TNKS: variants seen among roughly 807,000 people sequenced by gnomAD.
TNKS encodes tankyrase.
TNKS carries 72 observed loss-of-function variants against 135.8 expected under a neutral mutation model. The observed-to-expected ratio is 0.53, with a 90% CI of 0.44 to 0.64. The LOEUF is 0.64. Among genes scored for constraint, TNKS ranks in the 30% least tolerant of loss-of-function variants. TNKS has a pLI of 0.00. For missense variants in TNKS, 1,769 were observed against 1,674.0 expected, an observed-to-expected ratio of 1.06 and a Z score of -0.99; for synonymous variants, 849 against 649.3, an observed-to-expected ratio of 1.31 and a Z score of -4.68.
intron 17 of TNKS, among the ~76,000 whole-genome samples, chr8:9,742,984 T>C (rs771042059): frequency 3.7e-4 from 57 of 152,270 alleles, no homozygotes; most frequent in Non-Finnish European, 6.3e-4. Flanking sequence ...CAAAAGTTCC[T>C]TTTTATTCAT....
chr8:9,595,341 C>T lies in TNKS; in HGVS notation c.898+14958C>T, dbSNP rs77232006. Reference sequence around the variant, plus strand: ...AAAACAAAGATGACAAAATTCCATACTTGTATCCTTAAAACAGAGAAGAGA... The same window carrying T: ...AAAACAAAGATGACAAAATTCCATATTTGTATCCTTAAAACAGAGAAGAGA... On this transcript the variant is annotated intron_variant, in intron 2 of 26. Coordinates refer to ENST00000310430, the MANE Select transcript of TNKS (RefSeq NM_003747.3). 3.2e-3 allele frequency among the ~76,000 whole-genome samples: 482 copies of T among 152,136 alleles called. 2 individuals are homozygous for T. The highest frequency in any genetic ancestry group is 0.011 in the African/African-American group (453 of 41,504).
At position 9,657,259 on chromosome 8, in the gene TNKS, C is replaced by T. The variant is rs1165248374; in HGVS notation, c.995-22692C>T. Among the ~76,000 whole-genome samples, 6 of 119,320 alleles carry T rather than the reference C, an allele frequency of 5.0e-5. No homozygotes were observed. The South Asian group carries it at 1.2e-3, about 23-fold the overall frequency. The allele number at this position is 119,320 out of a possible 152,430, so 78.3% of individuals were successfully genotyped here. On this transcript the variant is annotated intron_variant, in intron 3 of 26. Coordinates refer to ENST00000310430, the MANE Select transcript of TNKS (RefSeq NM_003747.3). Reference sequence around the variant, plus strand: ...CTGGCCGGGCGGGGGGCCGACCCCCCCACCTCCCTCCCGGACGGGGCGGCT... The same window carrying T: ...CTGGCCGGGCGGGGGGCCGACCCCCTCACCTCCCTCCCGGACGGGGCGGCT...
At chr8:9,655,838 CTCG>C (rs1333469764) in intron 3 of TNKS, among the ~76,000 whole-genome samples, 1 of 152,008 alleles carries the variant, frequency 6.6e-6, no homozygotes, top group East Asian at 1.9e-4. Flanking sequence ...CAAAGCGCCT[CTCG>C]TCCTCCAAAG....
At chr8:9,633,381 C>A (rs1407609533) in intron 3 of TNKS, among the ~76,000 whole-genome samples, 1 of 152,184 alleles carries the variant, frequency 6.6e-6, no homozygotes, top group African/African-American at 2.4e-5. Flanking sequence ...TATTTTACAT[C>A]TGTACAATAG....
At chr8:9,772,572 G>A (rs1035645124) in intron 26 of TNKS, 7 of 362,388 alleles carry the variant, frequency 1.9e-5, no homozygotes, top group African/African-American at 1.5e-4. Flanking sequence ...TTAACCTTCT[G>A]CCCCCAACTG....
At chr8:9,643,675 T>C (rs757354509) in intron 3 of TNKS, among the ~76,000 whole-genome samples, 73 of 152,048 alleles carry the variant, frequency 4.8e-4, no homozygotes, top group Admixed American at 5.2e-4. Flanking sequence ...GTTGGTGGGA[T>C]TGTAAAATGG....
At chr8:9,589,376 A>G (rs1798503823) in intron 2 of TNKS, among the ~76,000 whole-genome samples, 1 of 152,220 alleles carries the variant, frequency 6.6e-6, no homozygotes, top group Non-Finnish European at 1.5e-5. Flanking sequence ...GTTATAGTAA[A>G]TAACTGCATG....
chr8:9,724,988 AT>A (rs1805090812), intron 12 of TNKS, among the ~76,000 whole-genome samples: 1 of 150,912 alleles, frequency 6.6e-6, no homozygotes, highest in African/African-American at 2.4e-5. Context: ...TTGTCTCTTT[AT>A]TTTGTTGAAA....
At chr8:9,710,246 C>T (rs775753744) in intron 11 of TNKS, 26 bp downstream of exon 11, 7 of 1,609,342 alleles carry the variant, frequency 4.3e-6, no homozygotes, top group African/African-American at 1.3e-5. Flanking sequence ...GAGCAGAGTG[C>T]CAGACTCAGC....
At chr8:9,615,739 A>T in intron 3 of TNKS, 62 bp downstream of exon 3, 1 of 1,356,086 alleles carries the variant, frequency 7.4e-7, no homozygotes, top group Non-Finnish European at 1.0e-6. Context: ...GATTTTATAA[A>T]ATCTTGTTAT....
rs1357608364 is a variant in TNKS at position 9,721,735 on chromosome 8, G to A, written c.1921+1190G>A. On this transcript the variant is annotated intron_variant, in intron 12 of 26. Coordinates refer to ENST00000310430, the MANE Select transcript of TNKS (RefSeq NM_003747.3). ...TAGATAATATGACCTAACTGTATAG[G>A]TACCTTTCCAAAAATCTATATAAAA... Among the ~76,000 whole-genome samples, 10 of 152,060 alleles carry A rather than the reference G, an allele frequency of 6.6e-5. 1 individual carries two copies. Among genetic ancestry groups the A allele is most frequent in the Non-Finnish European group, 1.2e-4 (8 of 67,984 alleles).
intron 4 of TNKS, 58 bp downstream of exon 4, chr8:9,680,045 G>T: frequency 7.9e-7 from 1 of 1,260,098 alleles, no homozygotes; most frequent in Non-Finnish European, 1.2e-6. Context: ...GAAGGAGGAG[G>T]GCAGGTGGAG....
chr8:9,581,161 T>A (rs1362795976), intron 2 of TNKS, among the ~76,000 whole-genome samples: 4 of 152,224 alleles, frequency 2.6e-5, no homozygotes, highest in Non-Finnish European at 5.9e-5. Flanking sequence ...TTTTTAATGA[T>A]GCAACTAAAA....
At chr8:9,661,778 AC>A (rs1801727453) in intron 3 of TNKS, among the ~76,000 whole-genome samples, 1 of 152,228 alleles carries the variant, frequency 6.6e-6, no homozygotes, top group Admixed American at 6.5e-5. Context: ...AAAAGAAACT[AC>A]CATCAGAGTG....
At chr8:9,581,401 A>G (rs1798160100) in intron 2 of TNKS, among the ~76,000 whole-genome samples, 2 of 152,082 alleles carry the variant, frequency 1.3e-5, no homozygotes, top group African/African-American at 2.4e-5. Flanking sequence ...CAGTTTTTTG[A>G]CATCTTCCAG....
chr8:9,630,565 C>G (rs1477692006), intron 3 of TNKS, among the ~76,000 whole-genome samples: 1 of 152,038 alleles, frequency 6.6e-6, no homozygotes, highest in African/African-American at 2.4e-5. Context: ...CAAAAAACCC[C>G]AGCAAATCCC....
At chr8:9,674,417 T>G (rs1157894759) in intron 3 of TNKS, among the ~76,000 whole-genome samples, 1 of 152,140 alleles carries the variant, frequency 6.6e-6, no homozygotes, top group Non-Finnish European at 1.5e-5. Flanking sequence ...AAAAAAAGCT[T>G]ATGTTTTGGT....
intron 15 of TNKS, 110 bp from the exon 16 acceptor site, chr8:9,734,755 G>A (rs781274642): frequency 3.4e-5 from 31 of 909,378 alleles, no homozygotes; most frequent in Non-Finnish European, 5.2e-5. Context: ...TGCATATAGA[G>A]TAGATATCTT....
chr8:9,758,544 A>G (rs1348159049), intron 20 of TNKS, among the ~76,000 whole-genome samples: 2 of 152,228 alleles, frequency 1.3e-5, no homozygotes. Context: ...TAAAATAACA[A>G]ACATGTATTA....
Sources: gnomAD v4.1 joint callset for allele counts (sites outside exome capture counted in the v4.1 genomes callset) on GRCh38, gnomAD v4.1.1 for gene constraint, MANE v1.5 for transcripts, NCBI Gene and HGNC (gene_info 2026-07-23, HGNC 2026-07-21) for gene names.